The following YIPF6 variants were observed in gnomAD, a reference collection of about 807,000 sequenced individuals.
The protein encoded by YIPF6 is protein YIPF6.
A neutral mutation model predicts 16.8 loss-of-function variants in YIPF6; 3 were observed. That is an observed-to-expected ratio of 0.18 (90% CI 0.08 to 0.46). The LOEUF (loss-of-function observed/expected upper bound fraction) is 0.46. YIPF6 is among the 20% of genes least tolerant of loss of function. YIPF6 has a pLI of 0.98. For synonymous variants in YIPF6, 67 were observed against 61.9 expected (o/e 1.08, Z -0.38); for missense variants, 145 against 184.9 (o/e 0.78, Z 1.25).
intron 6 of YIPF6, 53 bp from the exon 7 acceptor site, chrX:68,531,828 T>G (rs2079172561): frequency 2.4e-6 from 2 of 832,486 alleles, no homozygotes; most frequent in Non-Finnish European, 3.5e-6. Flanking sequence ...TTAATAGTTG[T>G]GACAATATTA....
At chrX:68,524,458 C>T (rs757346240) in intron 6 of YIPF6, among the ~76,000 whole-genome samples, 24 of 109,568 alleles carry the variant, frequency 2.2e-4, no homozygotes, top group Non-Finnish European at 4.4e-4. Flanking sequence ...CATGAGCCAC[C>T]GCACCTGGCT....
chrX:68,503,746 A>C (rs1216160939), intron 1 of YIPF6, among the ~76,000 whole-genome samples: 1 of 112,327 alleles, frequency 8.9e-6, no homozygotes, highest in Admixed American at 9.5e-5. Flanking sequence ...CTCACTTCAG[A>C]GCAAGTAGCA....
At chrX:68,526,448 G>C (rs5965606) in intron 6 of YIPF6, among the ~76,000 whole-genome samples, 11,114 of 111,154 alleles carry the variant, frequency 0.1, 1,227 homozygotes, top group African/African-American at 0.33. Context: ...TTGACTTCCT[G>C]TCTTTCTATT....
intron 3 of YIPF6, among the ~76,000 whole-genome samples, chrX:68,515,992 A>T (rs1331396156): frequency 9.0e-6 from 1 of 111,052 alleles, no homozygotes; most frequent in Admixed American, 9.6e-5. Flanking sequence ...GCGTGGTGGC[A>T]GGCGCCTGTA....
chrX:68,524,388 C>T (rs757989998), intron 6 of YIPF6, among the ~76,000 whole-genome samples: 64 of 110,103 alleles, frequency 5.8e-4, no homozygotes, highest in African/African-American at 1.9e-3. Flanking sequence ...AGGCTGGTCT[C>T]GAACTCCTGA....
chrX:68,517,362 G>T (rs1388717342), intron 3 of YIPF6, among the ~76,000 whole-genome samples: 2 of 110,116 alleles, frequency 1.8e-5, no homozygotes, highest in Non-Finnish European at 3.8e-5. Context: ...GCCCAGGCAG[G>T]TCTCAAACTC....
intron 1 of YIPF6, among the ~76,000 whole-genome samples, chrX:68,501,590 A>T (rs747697110): frequency 7.6e-4 from 85 of 111,926 alleles, no homozygotes; most frequent in African/African-American, 2.7e-3. Flanking sequence ...CTGACTCTGA[A>T]GCCCAGACTT....
chrX:68,512,128 G>T (rs1272711486), intron 2 of YIPF6, 151 bp downstream of exon 2: 7 of 668,386 alleles, frequency 1.0e-5, no homozygotes, highest in Non-Finnish European at 1.5e-5. Context: ...ATTTGGTACA[G>T]CCTTTTTGGA....
intron 1 of YIPF6, 66 bp from the exon 2 acceptor site, chrX:68,511,780 AATG>A: frequency 8.9e-7 from 1 of 1,121,778 alleles, no homozygotes; most frequent in Non-Finnish European, 1.2e-6. Context: ...CTCTCTAGGA[AATG>A]ATGATATATA....
rs186129207 is a variant in YIPF6, at chrX:68,526,200, T to C, written c.592+3283T>C. Among the ~76,000 whole-genome samples, 4 of 111,416 alleles carry C rather than the reference T, an allele frequency of 3.6e-5. No homozygotes were observed. The East Asian group carries it at 1.1e-3, about 31-fold the overall frequency. On this transcript the variant is annotated intron_variant, in intron 6 of 6. Transcript: ENST00000462683. Reference sequence around the variant, plus strand: ...TAGTTCTCCTTGAAGAGGTCCTTCATATCCCTTGTAAGTTGGATTCCTAGG... The same window carrying C: ...TAGTTCTCCTTGAAGAGGTCCTTCACATCCCTTGTAAGTTGGATTCCTAGG...
intron 1 of YIPF6, among the ~76,000 whole-genome samples, chrX:68,504,935 T>G (rs1949614994): frequency 8.9e-6 from 1 of 112,006 alleles, no homozygotes; most frequent in African/African-American, 3.2e-5. Context: ...GCAGTGTTAT[T>G]TATCTTTATA....
intron 1 of YIPF6, among the ~76,000 whole-genome samples, chrX:68,508,161 C>T (rs1458026394): frequency 1.9e-5 from 2 of 105,219 alleles, no homozygotes; most frequent in East Asian, 6.0e-4. Context: ...AGTTCAGTGG[C>T]GTGATCTTGG....
At chrX:68,522,974 GA>G in intron 6 of YIPF6, 57 bp downstream of exon 6, 1 of 1,176,732 alleles carries the variant, frequency 8.5e-7, no homozygotes, top group Non-Finnish European at 1.2e-6. Context: ...ATTTAATGAT[GA>G]AGACCAGATG....
At chrX:68,512,617 G>A (rs184460787) in intron 2 of YIPF6, among the ~76,000 whole-genome samples, 1 of 111,561 alleles carries the variant, frequency 9.0e-6, no homozygotes, top group Admixed American at 9.6e-5. Flanking sequence ...TTGTAATAGG[G>A]GAAAGCTAGA....
chrX:68,505,273 G>C (rs914791710), intron 1 of YIPF6, among the ~76,000 whole-genome samples: 1 of 111,132 alleles, frequency 9.0e-6, no homozygotes, highest in East Asian at 2.8e-4. Flanking sequence ...ACCCGGGCAT[G>C]GTGGTGGGTG....
intron 4 of YIPF6, 43 bp from the exon 5 acceptor site, chrX:68,521,329 A>G: frequency 2.5e-6 from 3 of 1,192,846 alleles, no homozygotes; most frequent in Non-Finnish European, 2.3e-6. Context: ...TTGTTGCCCT[A>G]AGTAAAAGAT....
rs757749532 is a variant in YIPF6 at position 68,532,030 on chromosome X, T to C, written c.*31T>C. Reference sequence around the variant, plus strand: ...GAATGGGAAATTAAAAACCAGTGAATTGAAAGCACATCTGAAAGATGCAAT... The same window carrying C: ...GAATGGGAAATTAAAAACCAGTGAACTGAAAGCACATCTGAAAGATGCAAT... On this transcript the variant is annotated 3_prime_UTR_variant, in exon 7 of 7. Transcript: ENST00000462683. 6 of 1,047,695 alleles carry C rather than the reference T, an allele frequency of 5.7e-6. No homozygotes were observed. The East Asian group carries it at 1.8e-4, about 32-fold the overall frequency. 86.3% of individuals were successfully genotyped at this position (1,047,695 alleles called of 1,213,427 possible).
intron 1 of YIPF6, among the ~76,000 whole-genome samples, chrX:68,508,168 T>C (rs1602453315): frequency 1.8e-5 from 2 of 108,299 alleles, no homozygotes; most frequent in Admixed American, 1.0e-4. Context: ...TGGCGTGATC[T>C]TGGGCTCTGC....
chrX:68,518,924 A>G (rs1033908994), intron 4 of YIPF6, 112 bp downstream of exon 4: 9 of 697,044 alleles, frequency 1.3e-5, no homozygotes, highest in Non-Finnish European at 1.9e-5. Context: ...CTTATATGAC[A>G]TGTTGTACAT....
Sources: allele counts gnomAD v4.1 joint callset (sites outside exome capture counted in the v4.1 genomes callset), GRCh38; gene constraint gnomAD v4.1.1; transcripts MANE v1.5; gene names NCBI Gene and HGNC (gene_info 2026-07-23, HGNC 2026-07-21).